The following UBA1 variants were observed in gnomAD, a reference collection of about 807,000 sequenced individuals.
UBA1 encodes the protein ubiquitin-like modifier-activating enzyme 1.
A neutral mutation model predicts 84.7 loss-of-function variants in UBA1; 4 were observed. That is an observed-to-expected ratio of 0.05 (90% CI 0.02 to 0.11). The LOEUF (loss-of-function observed/expected upper bound fraction) is 0.11. UBA1 is among the 10% of genes least tolerant of loss of function. The pLI is 1.00. For missense variants in UBA1, 513 were observed against 902.8 expected (o/e 0.57, Z 5.53); for synonymous variants, 364 against 362.6 (o/e 1.00, Z -0.04).
chrX:47,212,960 C>T, intron 22 of UBA1, 30 bp from the exon 23 acceptor site: 2 of 1,211,404 alleles, frequency 1.7e-6, no homozygotes, highest in Non-Finnish European at 2.2e-6. Context: ...TACTTAACTA[C>T]CACCTTCTTT....
At chrX:47,194,637 C>T (rs1392745210) in intron 1 of UBA1, among the ~76,000 whole-genome samples, 5 of 111,646 alleles carry the variant, frequency 4.5e-5, no homozygotes, top group African/African-American at 1.6e-4. Context: ...GCCTTTGTGT[C>T]GGGGGCCCCT....
At position 47,213,187 on chromosome X, in the gene UBA1, G is replaced by T; in HGVS notation, c.2838+6G>T. The T allele has an allele frequency of 8.3e-7, 1 of 1,209,419 alleles. No individual in the cohort carries two copies. On this transcript the variant is annotated splice_donor_region_variant and intron_variant, in intron 23 of 25. Coordinates refer to ENST00000335972, the MANE Select transcript of UBA1 (RefSeq NM_003334.4). ...TTGCCGCACCACGTCACCAGGTGGGGGCCTGCATCCGAAGCAGGGTTTGGG... is the reference window on the plus strand; with the variant it reads ...TTGCCGCACCACGTCACCAGGTGGGTGCCTGCATCCGAAGCAGGGTTTGGG...
intron 5 of UBA1, 88 bp from the exon 6 acceptor site, chrX:47,200,806 C>T (rs1936380334): frequency 5.7e-6 from 4 of 704,688 alleles, no homozygotes; most frequent in Non-Finnish European, 4.4e-6. Context: ...GATGTGTTTG[C>T]CTTGAGGACT....
intron 20 of UBA1, 149 bp from the exon 21 acceptor site, chrX:47,212,275 C>T: frequency 2.1e-6 from 1 of 483,682 alleles, no homozygotes; most frequent in Non-Finnish European, 3.7e-6. Context: ...CTCTACCTCT[C>T]CTCCTTGCCC....
intron 1 of UBA1, among the ~76,000 whole-genome samples, chrX:47,196,334 G>GC (rs1166924326): frequency 1.8e-5 from 2 of 110,700 alleles, no homozygotes; most frequent in African/African-American, 6.6e-5. Flanking sequence ...ACATGCTCCA[G>GC]CCCCCCTTCT....
intron 1 of UBA1, chrX:47,198,288 T>A: frequency 2.0e-6 from 2 of 981,116 alleles, no homozygotes; most frequent in Non-Finnish European, 2.7e-6. Flanking sequence ...TGCTTGTTAC[T>A]GCCTACCTAC....
chrX:47,191,120 C>T (rs1936056688), upstream of UBA1, among the ~76,000 whole-genome samples: 1 of 111,368 alleles, frequency 9.0e-6, no homozygotes, highest in Admixed American at 9.5e-5. Flanking sequence ...CGTTTGGGGA[C>T]TTCGGGGTGG....
In UBA1 at chrX:47,214,335, C is replaced by T. The variant is rs1937057869; in HGVS notation, c.2847C>T (p.Asn949=). The T allele has an allele frequency of 8.3e-7, 1 of 1,208,693 alleles. No homozygotes were observed. The highest frequency in any genetic ancestry group is 1.8e-5 in the African/African-American group (1 of 56,753). Residue 949 remains asparagine, a synonymous_variant, in exon 24 of 26, where the codon AAC becomes AAT. Transcript: ENST00000335972. The stretch of plus-strand genomic sequence containing the variant: ...CCCTCTTTGTCTTGCAGTACTATAA[C>T]CAAGAGTGGACATTGTGGGATCGCT... ...PLAAPRHQYY[N]QEWTLWDRFE...
intron 14 of UBA1, 62 bp downstream of exon 14, chrX:47,203,758 T>TTC: frequency 8.9e-7 from 1 of 1,121,315 alleles, no homozygotes; most frequent in East Asian, 3.0e-5. Context: ...TTTTTTTTTT[T>TTC]TTTTTTGAGA....
chrX:47,198,846 C>G lies in UBA1; in HGVS notation c.44C>G (p.Pro15Arg), dbSNP rs1556786406. Residue 15 changes from proline (P) to arginine (R), a missense_variant, in exon 2 of 26, where the codon CCT (proline) becomes CGT (arginine). This residue lies in a region of UBA1 where 38 missense variants were observed against 43.4 expected (regional missense o/e 0.88). Transcript: ENST00000335972. Reference protein sequence around the residue: ...PLSKKRRVSGPDPKPGSNCSP... With the variant: ...PLSKKRRVSGRDPKPGSNCSP... ...TCCAAGAAACGTCGCGTGTCCGGGC[C>G]TGATCCAAAGCCGGGTTCTAACTGC... 5.8e-6 allele frequency: 7 copies of G among 1,212,257 alleles called. No homozygotes were observed. The highest frequency in any genetic ancestry group is 1.7e-5 in the African/African-American group (1 of 57,889).
chrX:47,195,250 CT>C lies in UBA1; in HGVS notation c.-1+1231del, dbSNP rs1296974040. 1.3e-4 allele frequency among the ~76,000 whole-genome samples: 14 copies of C among 110,870 alleles called. No homozygotes were observed. In the Admixed American group the frequency reaches 1.3e-3, roughly 11 times the overall value. ...CCACAGGCCTTCTTGTTTTCTTTTT[CT>C]TTTTCTTTTTTCCGAGACAGAATTG... On this transcript the variant is annotated intron_variant, in intron 1 of 25. Coordinates refer to ENST00000335972, the MANE Select transcript of UBA1 (RefSeq NM_003334.4).
rs149161653 is a variant in UBA1, at chrX:47,199,504, G to A, written c.370G>A (p.Gly124Ser). ...SQFYLREEDI[G>S]KNRAEVSQPR... ...GTTCTACCTGCGGGAGGAGGACATC[G>A]GTAAAAACCGGGCCGAGGTATCACA... The change falls in exon 5 of 26, where the codon GGT becomes AGT. Residue 124 changes from glycine (G) to serine (S), a missense_variant. Physicochemically the swap from Gly to Ser is moderately conservative, Grantham distance 56 (BLOSUM62 0). Around this residue, in one of 6 missense-constraint regions of UBA1, gnomAD observed 227 missense variants for 339.1 expected, o/e 0.67. Coordinates refer to ENST00000335972, the MANE Select transcript of UBA1 (RefSeq NM_003334.4). The A allele has an allele frequency of 9.1e-6, 11 of 1,209,839 alleles. No individual in the cohort carries two copies. In the African/African-American group the frequency reaches 1.1e-4, roughly 12 times the overall value.
At chrX:47,198,525 A>G (rs1431324085) in intron 1 of UBA1, among the ~76,000 whole-genome samples, 1 of 111,357 alleles carries the variant, frequency 9.0e-6, no homozygotes, top group Admixed American at 9.5e-5. Flanking sequence ...CTTTCACTCC[A>G]GGATTGGAGT....
At position 47,209,844 on chromosome X, in the gene UBA1, C is replaced by T. The variant is rs1489727891; in HGVS notation, c.2004-84C>T. On this transcript the variant is annotated intron_variant, in intron 17 of 25. Coordinates refer to ENST00000335972, the MANE Select transcript of UBA1 (RefSeq NM_003334.4). Reference sequence around the variant, plus strand: ...GTTGTTTGGGGTCGGGACTAGTTTTCCATGGAGAAAGTAAGATTGCTCTGG... The same window carrying T: ...GTTGTTTGGGGTCGGGACTAGTTTTTCATGGAGAAAGTAAGATTGCTCTGG... The T allele has an allele frequency of 3.5e-6, 4 of 1,137,687 alleles. No homozygotes were observed. In the African/African-American group the frequency reaches 5.4e-5, roughly 15 times the overall value. 93.8% of individuals were successfully genotyped at this position (1,137,687 alleles called of 1,213,427 possible). A position where few individuals can be genotyped will look rare whatever the true frequency, so the allele number is the denominator to read the frequency against.
rs782086630 is a variant in UBA1 at position 47,198,906 on chromosome X, C to T, written c.104C>T (p.Ser35Leu). 5.0e-6 allele frequency: 6 copies of T among 1,211,879 alleles called. No individual in the cohort carries two copies. In the South Asian group the frequency reaches 5.3e-5, roughly 11 times the overall value. Residue 35 changes from serine (S) to leucine (L), a missense_variant, in exon 2 of 26, where the codon TCG becomes TTG. Around this residue, in one of 6 missense-constraint regions of UBA1, gnomAD observed 38 missense variants for 43.4 expected, o/e 0.88. Transcript: ENST00000335972. ...CAGTCCGTGTTGTCCGAAGTGCCCT[C>T]GGTGCCAACCAACGTGAGTGTCCTC... is the stretch of plus-strand genomic sequence containing the variant. Reference protein sequence around the residue: ...PAQSVLSEVPSVPTNGMAKNG... With the variant: ...PAQSVLSEVPLVPTNGMAKNG...
intron 13 of UBA1, 63 bp downstream of exon 13, chrX:47,203,277 T>G (rs1397955166): frequency 7.9e-6 from 9 of 1,133,511 alleles, no homozygotes; most frequent in Non-Finnish European, 8.5e-6. Flanking sequence ...CCCCTGGGGC[T>G]TCCTTCGGCA....
Position 47,193,874 on chromosome X carries a change from A to G in UBA1, c.-151A>G, listed in dbSNP as rs1556784728. On this transcript the variant is annotated 5_prime_UTR_variant, in exon 1 of 26. Coordinates refer to ENST00000335972, the MANE Select transcript of UBA1 (RefSeq NM_003334.4). ...CTGTAAGGAGGTGGCAGGGACAACC[A>G]CAACCACAACGGCCGGGGGAGGAGA... 1 of 111,859 alleles carries G rather than the reference A, an allele frequency of 8.9e-6. No homozygotes were observed. The highest frequency in any genetic ancestry group is 2.8e-4 in the East Asian group (1 of 3,572). 9.2% of individuals were successfully genotyped at this position (111,859 alleles called of 1,213,427 possible).
At chrX:47,199,665 C>G in intron 5 of UBA1, 51 bp downstream of exon 5, 1 of 1,190,350 alleles carries the variant, frequency 8.4e-7, no homozygotes, top group Non-Finnish European at 1.1e-6. Flanking sequence ...CAGAGCCCAT[C>G]TCTGGTTTAT....
chrX:47,198,984 G>C, intron 2 of UBA1, 64 bp from the exon 3 acceptor site: 3 of 1,204,728 alleles, frequency 2.5e-6, no homozygotes, highest in African/African-American at 1.7e-5. Flanking sequence ...TTGTATCACT[G>C]TCTGTCTATC....
Sources: allele counts gnomAD v4.1 joint callset (sites outside exome capture counted in the v4.1 genomes callset), GRCh38; gene constraint gnomAD v4.1.1; regional missense constraint gnomAD v4.1.1; transcripts MANE v1.5; gene names NCBI Gene and HGNC (gene_info 2026-07-23, HGNC 2026-07-21).